Variants in COL5A2 observed in about 807,000 individuals in gnomAD.
The protein encoded by COL5A2 is collagen alpha-2(V) chain.
COL5A2 carries 23 observed loss-of-function variants against 208.2 expected under a neutral mutation model. That is an observed-to-expected ratio of 0.11 (90% CI 0.08 to 0.16). COL5A2 has a LOEUF of 0.16. Among genes scored for constraint, COL5A2 ranks in the 10% least tolerant of loss-of-function variants. The pLI is 1.00. For synonymous variants in COL5A2, 625 were observed against 628.5 expected (o/e 0.99, Z 0.08); for missense variants, 1,590 against 1,956.4 (o/e 0.81, Z 3.53).
intron 1 of COL5A2, among the ~76,000 whole-genome samples, chr2:189,189,304 C>A (rs897221320): frequency 6.6e-6 from 1 of 152,146 alleles, no homozygotes; most frequent in Non-Finnish European, 1.5e-5. Context: ...TTGATTAATA[C>A]TGAAAAACAG....
chr2:189,049,597 T>C (rs1341594872), intron 43 of COL5A2, 143 bp from the exon 44 acceptor site: 4 of 702,088 alleles, frequency 5.7e-6, no homozygotes, highest in Non-Finnish European at 9.9e-6. Context: ...CATGTAATCA[T>C]AATGCTTTCT....
chr2:189,204,113 G>T (rs1576585184), intron 1 of COL5A2, among the ~76,000 whole-genome samples: 1 of 152,220 alleles, frequency 6.6e-6, no homozygotes, highest in East Asian at 1.9e-4. Context: ...TAGCCAGGAT[G>T]GTCTCGATCT....
chr2:189,218,363 A>G (rs553519260), intron 1 of COL5A2, among the ~76,000 whole-genome samples: 1 of 152,128 alleles, frequency 6.6e-6, no homozygotes, highest in Non-Finnish European at 1.5e-5. Flanking sequence ...AGAGGAGAAG[A>G]CCATATGACA....
At chr2:189,091,722 T>A (rs1011502710) in intron 7 of COL5A2, among the ~76,000 whole-genome samples, 1 of 152,198 alleles carries the variant, frequency 6.6e-6, no homozygotes, top group African/African-American at 2.4e-5. Context: ...TGAGGTGGTT[T>A]GGAACTGAAC....
At chr2:189,041,157 GT>G (rs1178585319) in intron 50 of COL5A2, among the ~76,000 whole-genome samples, 1 of 152,124 alleles carries the variant, frequency 6.6e-6, no homozygotes, top group East Asian at 1.9e-4. Flanking sequence ...TTTACAAAAA[GT>G]TTTAATCAAA....
At chr2:189,309,179 T>C in the COL5A2 span, among the ~76,000 whole-genome samples, 10 of 152,234 alleles carry the variant, frequency 6.6e-5, no homozygotes, top group South Asian at 6.2e-4. Context: ...GGTCAGGTGA[T>C]TGTTACACTG....
At chr2:189,371,789 A>T in the COL5A2 span, among the ~76,000 whole-genome samples, 3 of 152,214 alleles carry the variant, frequency 2.0e-5, no homozygotes, top group Non-Finnish European at 4.4e-5. Flanking sequence ...AGCAGATTGT[A>T]AAAGTTTGAA....
At chr2:189,245,523 C>T in the COL5A2 span, among the ~76,000 whole-genome samples, 49 of 144,806 alleles carry the variant, frequency 3.4e-4, no homozygotes, top group East Asian at 3.8e-3. Flanking sequence ...CTTGCTCTGT[C>T]GCCCAGGCTG....
the COL5A2 span, among the ~76,000 whole-genome samples, chr2:189,402,144 G>C: frequency 6.6e-6 from 1 of 152,138 alleles, no homozygotes; most frequent in South Asian, 2.1e-4. Flanking sequence ...TTTTGCCCGT[G>C]TCTATGTCCT....
the COL5A2 span, among the ~76,000 whole-genome samples, chr2:189,438,056 A>G: frequency 1.3e-5 from 2 of 151,934 alleles, no homozygotes; most frequent in African/African-American, 2.4e-5. Context: ...AAGATAACCA[A>G]TAAAGCAATG....
At chr2:189,108,726 CT>C (rs1687199707) in intron 2 of COL5A2, among the ~76,000 whole-genome samples, 1 of 151,810 alleles carries the variant, frequency 6.6e-6, no homozygotes, top group Admixed American at 6.6e-5. Flanking sequence ...GGGTGCCCAT[CT>C]TCAGGGTTAT....
At chr2:189,120,295 C>G (rs1687474595) in intron 1 of COL5A2, among the ~76,000 whole-genome samples, 1 of 152,098 alleles carries the variant, frequency 6.6e-6, no homozygotes, top group African/African-American at 2.4e-5. Context: ...AAATTACATA[C>G]ACACTGAAAC....
At chr2:189,109,088 T>G (rs1687209411) in intron 2 of COL5A2, among the ~76,000 whole-genome samples, 1 of 152,012 alleles carries the variant, frequency 6.6e-6, no homozygotes, top group Non-Finnish European at 1.5e-5. Flanking sequence ...ACTTTTTATC[T>G]TATGGCATCT....
At chr2:189,400,880 C>A in the COL5A2 span, among the ~76,000 whole-genome samples, 1 of 152,190 alleles carries the variant, frequency 6.6e-6, no homozygotes, top group Admixed American at 6.5e-5. Flanking sequence ...CTTTGGCTTT[C>A]TTAAAAATCG....
intron 1 of COL5A2, among the ~76,000 whole-genome samples, chr2:189,177,413 C>A (rs1258009242): frequency 6.6e-6 from 1 of 152,066 alleles, no homozygotes; most frequent in Non-Finnish European, 1.5e-5. Flanking sequence ...CAACTTAAAC[C>A]AAAATATGCA....
At chr2:189,174,858 C>G (rs923393001) in intron 1 of COL5A2, among the ~76,000 whole-genome samples, 2 of 152,188 alleles carry the variant, frequency 1.3e-5, no homozygotes, top group Non-Finnish European at 2.9e-5. Flanking sequence ...ATATACTCTT[C>G]AAACTAAAGC....
the COL5A2 span, among the ~76,000 whole-genome samples, chr2:189,277,932 A>T: frequency 6.6e-6 from 1 of 152,090 alleles, no homozygotes; most frequent in Non-Finnish European, 1.5e-5. Context: ...GGGAACAAGG[A>T]GGTCAATAGT....
rs752789055 is a variant in COL5A2, at chr2:189,062,915, C to T, written c.1927G>A (p.Ala643Thr). The change falls in exon 29 of 54, where the codon GCT (alanine) becomes ACT (threonine). Residue 643 changes from alanine (A) to threonine (T), a missense_variant. Ala to Thr is a moderately conservative substitution (Grantham distance 58). Transcript: ENST00000374866. ...GNAGVPGQRGAPGKDGEVGPS... is the reference protein window; with the variant it reads ...GNAGVPGQRGTPGKDGEVGPS... ...CCAACTTCACCATCTTTTCCAGGAG[C>T]TCCCTAGTATCACACACAGATATTT... 1 of 1,614,080 alleles carries T rather than the reference C, an allele frequency of 6.2e-7. No individual in the cohort carries two copies. The highest frequency in any genetic ancestry group is 1.1e-5 in the South Asian group (1 of 91,068).
At chr2:189,174,209 A>G (rs1169666727) in intron 1 of COL5A2, among the ~76,000 whole-genome samples, 2 of 152,186 alleles carry the variant, frequency 1.3e-5, no homozygotes, top group Admixed American at 1.3e-4. Flanking sequence ...GATGAACACA[A>G]TGAATTTCAG....
Sources: allele counts gnomAD v4.1 joint callset (sites outside exome capture counted in the v4.1 genomes callset), GRCh38; gene constraint gnomAD v4.1.1; transcripts MANE v1.5; gene names NCBI Gene and HGNC (gene_info 2026-07-23, HGNC 2026-07-21).